DNAH7: variants seen among roughly 807,000 people sequenced by gnomAD.
The protein encoded by DNAH7 is dynein axonemal heavy chain 7.
In DNAH7, 397 loss-of-function variants were observed where a neutral mutation model predicts 444.6. The ratio of observed to expected loss-of-function variants is 0.89; its 90% confidence interval spans 0.82 to 0.97. The LOEUF (loss-of-function observed/expected upper bound fraction) is 0.97, where lower values mean the gene tolerates loss of function less well. DNAH7 is among the 50% of genes least tolerant of loss of function. The pLI is 0.00. For missense variants in DNAH7, 4,902 were observed against 4,800.8 expected (o/e 1.02, Z -0.62); for synonymous variants, 1,636 against 1,624.4 (o/e 1.01, Z -0.17).
At chr2:196,005,307 A>AAAAAT (rs1553603511) in intron 10 of DNAH7, among the ~76,000 whole-genome samples, 7 of 148,052 alleles carry the variant, frequency 4.7e-5, no homozygotes, top group African/African-American at 1.5e-4. Flanking sequence ...AACAAACAAA[A>AAAAAT]ATATATATAT....
At chr2:195,925,700 C>T (rs941819763) in intron 22 of DNAH7, among the ~76,000 whole-genome samples, 1 of 152,134 alleles carries the variant, frequency 6.6e-6, no homozygotes, top group Non-Finnish European at 1.5e-5. Context: ...CCCTGTTCAA[C>T]AATGTCTTAA....
intron 57 of DNAH7, among the ~76,000 whole-genome samples, chr2:195,791,155 C>T (rs897553767): frequency 6.6e-6 from 1 of 152,014 alleles, no homozygotes; most frequent in East Asian, 1.9e-4. Context: ...CCTTCTTATA[C>T]CAGTCAGAAT....
chr2:195,866,330 T>G (rs1370587613), intron 40 of DNAH7, among the ~76,000 whole-genome samples: 1 of 152,178 alleles, frequency 6.6e-6, no homozygotes, highest in Non-Finnish European at 1.5e-5. Flanking sequence ...AATTGATGAT[T>G]TCATAGTGTT....
At chr2:195,920,010 T>A (rs1292326755) in intron 24 of DNAH7, among the ~76,000 whole-genome samples, 1 of 152,156 alleles carries the variant, frequency 6.6e-6, no homozygotes, top group Non-Finnish European at 1.5e-5. Context: ...AGCATGGGAC[T>A]GGATGAGAAC....
intron 36 of DNAH7, among the ~76,000 whole-genome samples, chr2:195,880,634 G>A (rs954340219): frequency 2.6e-5 from 4 of 152,028 alleles, no homozygotes; most frequent in African/African-American, 4.8e-5. Flanking sequence ...CACTGCGCCC[G>A]GCCTGCAAAC....
rs138202516 is a variant in DNAH7 at position 195,961,991 on chromosome 2, G to C, written c.2206-1046C>G. Among the ~76,000 whole-genome samples the C allele has an allele frequency of 2.1e-3, 316 of 152,236 alleles. 1 individual carries two copies. Among genetic ancestry groups the C allele is most frequent in the African/African-American group, 7.1e-3 (296 of 41,538 alleles). ...ATATACTATAAAATGCTAACACCCA[G>C]AGTTGAGAGAGAGTGCTGAAATACT... is the stretch of plus-strand genomic sequence containing the variant. On this transcript the variant is annotated intron_variant, in intron 17 of 64. Transcript: ENST00000312428.
Position 195,872,345 on chromosome 2 carries a change from G to A in DNAH7, c.6538C>T (p.Leu2180Phe), listed in dbSNP as rs747239252. 4.7e-5 allele frequency: 76 copies of A among 1,613,768 alleles called. No individual in the cohort carries two copies. Among genetic ancestry groups the A allele is most frequent in the Non-Finnish European group, 5.8e-5 (68 of 1,179,878 alleles). ...TGAATGACACGGGAGAAATCACGGAGGTTGAACAAGTAGTGAGATTTAGCT... is the reference window on the plus strand; with the variant it reads ...TGAATGACACGGGAGAAATCACGGAAGTTGAACAAGTAGTGAGATTTAGCT... ...TPAKSHYLFN[L>F]RDFSRVIQGV... Residue 2180 changes from leucine (L) to phenylalanine (F), a missense_variant, in exon 40 of 65, where the codon CTC becomes TTC. Leu to Phe is a conservative substitution (Grantham distance 22). Coordinates refer to ENST00000312428, the MANE Select transcript of DNAH7 (RefSeq NM_018897.3).
intron 6 of DNAH7, among the ~76,000 whole-genome samples, chr2:196,027,706 T>C (rs1695778491): frequency 6.6e-6 from 1 of 152,148 alleles, no homozygotes; most frequent in African/African-American, 2.4e-5. Context: ...CATGTAAAGC[T>C]ATACATGACT....
chr2:195,981,362 C>T (rs1214515719), intron 15 of DNAH7, among the ~76,000 whole-genome samples: 3 of 151,776 alleles, frequency 2.0e-5, no homozygotes, highest in African/African-American at 7.3e-5. Flanking sequence ...AAAGATATTC[C>T]ATGTTCATAA....
intron 7 of DNAH7, among the ~76,000 whole-genome samples, chr2:196,025,665 A>G (rs1695637040): frequency 6.6e-6 from 1 of 152,176 alleles, no homozygotes; most frequent in Admixed American, 6.5e-5. Flanking sequence ...CTTACAGTGT[A>G]TCTTCTGTTT....
At chr2:195,868,412 C>T (rs1055410043) in intron 40 of DNAH7, among the ~76,000 whole-genome samples, 1 of 151,714 alleles carries the variant, frequency 6.6e-6, no homozygotes, top group African/African-American at 2.4e-5. Context: ...TTACAGCCAT[C>T]CTATTGAGTG....
chr2:195,768,835 C>T (rs943135777), intron 61 of DNAH7, among the ~76,000 whole-genome samples: 16 of 151,976 alleles, frequency 1.1e-4, no homozygotes, highest in African/African-American at 3.4e-4. Flanking sequence ...TCAACATGTT[C>T]GTTTGCTAAA....
chr2:195,875,824 A>T lies in DNAH7; in HGVS notation c.6137T>A (p.Val2046Asp), dbSNP rs985949257. ...ATATACCTCCCGAGCAGGCATATTG[A>T]CATCATCTACAAAGACAACCTGAGA... The part of the protein sequence containing the change: ...GKRMVVFVDD[V>D]NMPAREVYGA... Residue 2046 changes from valine to aspartate, a missense_variant, in exon 38 of 65, where the codon GTC becomes GAC. Val to Asp is a radical substitution (Grantham distance 152, BLOSUM62 -3). Transcript: ENST00000312428. 1.9e-6 allele frequency: 3 copies of T among 1,602,776 alleles called. No individual in the cohort carries two copies. Among genetic ancestry groups the T allele is most frequent in the Non-Finnish European group, 2.5e-6 (3 of 1,176,844 alleles).
chr2:195,909,999 T>C (rs769109283), intron 25 of DNAH7, 28 bp downstream of exon 25: 1 of 1,596,038 alleles, frequency 6.3e-7, no homozygotes, highest in South Asian at 1.1e-5. Context: ...GTTATCCTGT[T>C]GTAAAGAAAT....
At chr2:195,806,951 A>G (rs1360427621) in intron 53 of DNAH7, 119 bp from the exon 54 acceptor site, 2 of 665,264 alleles carry the variant, frequency 3.0e-6, no homozygotes, top group Non-Finnish European at 4.9e-6. Flanking sequence ...TCTAAATTTT[A>G]CTATTTAGTG....
intron 5 of DNAH7, among the ~76,000 whole-genome samples, chr2:196,031,621 C>T (rs1284655690): frequency 3.3e-5 from 5 of 152,154 alleles, no homozygotes; most frequent in African/African-American, 4.8e-5. Flanking sequence ...TTTCTTCCAC[C>T]AGATACCTTA....
intron 12 of DNAH7, chr2:195,994,531 T>C (rs1221319745): frequency 2.1e-6 from 1 of 486,530 alleles, no homozygotes; most frequent in African/African-American, 2.0e-5. Flanking sequence ...GGTTTAGAGA[T>C]ATTCCCATTG....
intron 47 of DNAH7, among the ~76,000 whole-genome samples, chr2:195,838,477 A>G (rs1698500252): frequency 6.6e-6 from 1 of 152,076 alleles, no homozygotes; most frequent in African/African-American, 2.4e-5. Flanking sequence ...AAAAAACAGA[A>G]AGGATAATGA....
chr2:196,020,853 C>G (rs1425198360), intron 8 of DNAH7, among the ~76,000 whole-genome samples: 2 of 152,176 alleles, frequency 1.3e-5, no homozygotes, highest in Non-Finnish European at 2.9e-5. Context: ...CTCAAGTGAT[C>G]TGCTCTTCTC....
Sources: gnomAD v4.1 joint callset for allele counts (sites outside exome capture counted in the v4.1 genomes callset) on GRCh38, gnomAD v4.1.1 for gene constraint, MANE v1.5 for transcripts, NCBI Gene and HGNC (gene_info 2026-07-23, HGNC 2026-07-21) for gene names.